The following VPS13B variants were observed in gnomAD, a reference collection of about 807,000 sequenced individuals.
VPS13B encodes intermembrane lipid transfer protein VPS13B.
A neutral mutation model predicts 426.4 loss-of-function variants in VPS13B; 285 were observed. The ratio of observed to expected loss-of-function variants is 0.67; its 90% CI spans 0.61 to 0.74. VPS13B has a LOEUF of 0.74. Among genes scored for constraint, VPS13B ranks in the 30% least tolerant of loss-of-function variants. The pLI is 0.00. For missense variants in VPS13B, 4,537 were observed against 4,782.6 expected, an observed-to-expected ratio of 0.95 and a Z score of 1.51; for synonymous variants, 1,676 against 1,676.4, an observed-to-expected ratio of 1.00 and a Z score of 0.01.
In VPS13B at chr8:99,023,418, GA is replaced by G. The variant is rs373300713; in HGVS notation, c.147+9484del. ...CCATTCATGTTGCTGCAAAAGACAA[GA>G]TTTTTTTTCTGGCATAATAGTATTC... On this transcript the variant is annotated intron_variant, in intron 2 of 61. Transcript: ENST00000357162. 3.2e-3 allele frequency among the ~76,000 whole-genome samples: 491 copies of G among 151,370 alleles called. 5 individuals carry two copies. The highest frequency in any genetic ancestry group is 0.011 in the African/African-American group (471 of 41,288).
chr8:99,560,308 C>T (rs1419765459), intron 31 of VPS13B, among the ~76,000 whole-genome samples: 2 of 152,096 alleles, frequency 1.3e-5, no homozygotes, highest in Non-Finnish European at 2.9e-5. Flanking sequence ...AGATTTTGGG[C>T]TGAGACGATG....
intron 17 of VPS13B, among the ~76,000 whole-genome samples, chr8:99,207,738 A>AT (rs962309217): frequency 3.3e-5 from 5 of 152,018 alleles, no homozygotes; most frequent in African/African-American, 7.2e-5. Flanking sequence ...TGCCTTATGT[A>AT]TTTTTTTGCT....
At chr8:99,427,764 T>G (rs561968586) in intron 21 of VPS13B, among the ~76,000 whole-genome samples, 1 of 151,738 alleles carries the variant, frequency 6.6e-6, no homozygotes, top group African/African-American at 2.4e-5. Flanking sequence ...AATGACTTTC[T>G]TCACAGAATT....
intron 34 of VPS13B, among the ~76,000 whole-genome samples, chr8:99,660,747 T>C (rs1443082937): frequency 6.6e-6 from 1 of 151,926 alleles, no homozygotes; most frequent in African/African-American, 2.4e-5. Flanking sequence ...AAAAAAAGTC[T>C]AAACAGAAAA....
At chr8:99,472,143 C>G (rs1819443888) in intron 24 of VPS13B, among the ~76,000 whole-genome samples, 1 of 151,884 alleles carries the variant, frequency 6.6e-6, no homozygotes, top group African/African-American at 2.4e-5. Context: ...ATAGAGAATT[C>G]TAGAATCGTA....
intron 13 of VPS13B, 79 bp downstream of exon 13, chr8:99,143,244 T>A (rs1244962519): frequency 6.3e-7 from 1 of 1,584,176 alleles, no homozygotes; most frequent in Non-Finnish European, 8.7e-7. Context: ...GTTGTCTTGC[T>A]AACTTTACGT....
At chr8:99,712,904 C>G (rs571573111) in intron 36 of VPS13B, among the ~76,000 whole-genome samples, 1 of 151,596 alleles carries the variant, frequency 6.6e-6, no homozygotes, top group Non-Finnish European at 1.5e-5. Flanking sequence ...AATTGTATAA[C>G]GTTGGGGGGG....
At chr8:99,737,605 G>A (rs1341958137) in intron 39 of VPS13B, among the ~76,000 whole-genome samples, 1 of 152,128 alleles carries the variant, frequency 6.6e-6, no homozygotes, top group Non-Finnish European at 1.5e-5. Context: ...ATTAGTTAAT[G>A]GAGAGATCCT....
intron 20 of VPS13B, among the ~76,000 whole-genome samples, chr8:99,384,809 A>T (rs1184292944): frequency 6.6e-6 from 1 of 152,108 alleles, no homozygotes; most frequent in African/African-American, 2.4e-5. Context: ...CCTCCCAAGT[A>T]GCTGGGATTA....
At chr8:99,177,008 T>C (rs1217027349) in intron 16 of VPS13B, among the ~76,000 whole-genome samples, 2 of 152,142 alleles carry the variant, frequency 1.3e-5, no homozygotes, top group Non-Finnish European at 2.9e-5. Flanking sequence ...AGAAAATTAT[T>C]GAGGAGAAAG....
At chr8:99,115,923 A>C in intron 7 of VPS13B, 49 bp downstream of exon 7, 1 of 1,578,930 alleles carries the variant, frequency 6.3e-7, no homozygotes, top group South Asian at 1.1e-5. Flanking sequence ...GACTATTCTT[A>C]CGTTTTACCA....
At chr8:99,631,185 CT>C in intron 33 of VPS13B, among the ~76,000 whole-genome samples, 1 of 152,156 alleles carries the variant, frequency 6.6e-6, no homozygotes, top group East Asian at 1.9e-4. Context: ...TTATGTCTGT[CT>C]TGTTGTTCCA....
chr8:99,630,781 A>G (rs1393048093), intron 33 of VPS13B, among the ~76,000 whole-genome samples: 1 of 152,138 alleles, frequency 6.6e-6, no homozygotes, highest in Non-Finnish European at 1.5e-5. Context: ...GTAATCTGGC[A>G]GTGCTATATG....
chr8:99,118,412 A>G (rs1457337633), intron 7 of VPS13B, among the ~76,000 whole-genome samples: 1 of 151,484 alleles, frequency 6.6e-6, no homozygotes, highest in Non-Finnish European at 1.5e-5. Flanking sequence ...TTTTTTTTGG[A>G]GGTTAAATCT....
intron 39 of VPS13B, 93 bp from the exon 40 acceptor site, chr8:99,766,681 T>C (rs1005422027): frequency 2.7e-6 from 3 of 1,129,888 alleles, no homozygotes; most frequent in Middle Eastern, 2.7e-4. Flanking sequence ...GGTCTTAATG[T>C]TATAATTTTT....
chr8:99,740,178 A>T (rs1809626982), intron 39 of VPS13B, among the ~76,000 whole-genome samples: 1 of 152,242 alleles, frequency 6.6e-6, no homozygotes. Context: ...TGAGGAATGC[A>T]CAAGCCTCGG....
At chr8:99,602,854 A>C (rs1017605860) in intron 33 of VPS13B, among the ~76,000 whole-genome samples, 1 of 152,248 alleles carries the variant, frequency 6.6e-6, no homozygotes, top group African/African-American at 2.4e-5. Context: ...GGAGAACTAC[A>C]AACCACTGCT....
At chr8:99,649,511 T>C (rs780732424) in intron 34 of VPS13B, among the ~76,000 whole-genome samples, 1 of 152,136 alleles carries the variant, frequency 6.6e-6, no homozygotes, top group Non-Finnish European at 1.5e-5. Flanking sequence ...TAAGAACTTA[T>C]ATTTCAATTC....
chr8:99,725,224 A>C (rs1357847264), intron 39 of VPS13B, among the ~76,000 whole-genome samples: 1 of 152,048 alleles, frequency 6.6e-6, no homozygotes. Context: ...TCTCTCCTAG[A>C]TTGTATGTCT....
Sources: allele counts gnomAD v4.1 joint callset (sites outside exome capture counted in the v4.1 genomes callset), GRCh38; gene constraint gnomAD v4.1.1; transcripts MANE v1.5; gene names NCBI Gene and HGNC (gene_info 2026-07-23, HGNC 2026-07-21).